SLC25A13: variants seen among roughly 807,000 people sequenced by gnomAD.
The protein encoded by SLC25A13 is electrogenic aspartate/glutamate antiporter SLC25A13, mitochondrial.
Under a neutral mutation model 85.5 loss-of-function variants are expected in SLC25A13, and 70 were observed. That is an observed-to-expected ratio of 0.82 (90% CI 0.68 to 1.00). The LOEUF (loss-of-function observed/expected upper bound fraction) is 1.00. Ranked by LOEUF, SLC25A13 falls within the 50% of genes least tolerant of loss-of-function variation. SLC25A13 has a pLI of 0.00. For missense variants in SLC25A13, 765 were observed against 819.8 expected, an observed-to-expected ratio of 0.93 and a Z score of 0.82; for synonymous variants, 259 against 288.7, an observed-to-expected ratio of 0.90 and a Z score of 1.04.
chr7:96,171,515 G>A lies in SLC25A13; in HGVS notation c.1187C>T (p.Pro396Leu). The A allele has an allele frequency of 6.2e-7, 1 of 1,612,620 alleles. No homozygotes were observed. Among genetic ancestry groups the A allele is most frequent in the Non-Finnish European group, 8.5e-7 (1 of 1,178,922 alleles). ...GFFGLYRGLL[P>L]QLLGVAPEKA... ...CTCTGGGGCAACTCCCAATAACTGTGGCAACAGACCTAAAAATCAACAAAA... is the reference window on the plus strand; with the variant it reads ...CTCTGGGGCAACTCCCAATAACTGTAGCAACAGACCTAAAAATCAACAAAA... The change falls in exon 12 of 18, where the codon CCA becomes CTA. Residue 396 changes from proline to leucine, a missense_variant. Coordinates refer to ENST00000265631, the MANE Select transcript of SLC25A13 (RefSeq NM_014251.3).
chr7:96,226,939 T>C (rs979972523), intron 4 of SLC25A13, among the ~76,000 whole-genome samples: 3 of 152,278 alleles, frequency 2.0e-5, no homozygotes, highest in South Asian at 2.1e-4. Flanking sequence ...CCATCCACTA[T>C]GGTAACCAAA....
chr7:96,130,653 T>C (rs1160979081), intron 15 of SLC25A13, among the ~76,000 whole-genome samples: 1 of 152,206 alleles, frequency 6.6e-6, no homozygotes, highest in Non-Finnish European at 1.5e-5. Context: ...AAATTACATA[T>C]AGGCCACCAT....
intron 3 of SLC25A13, among the ~76,000 whole-genome samples, chr7:96,245,287 A>G (rs1050067590): frequency 5.9e-5 from 9 of 152,114 alleles, no homozygotes; most frequent in Admixed American, 2.6e-4. Flanking sequence ...CCTCCCTGTA[A>G]AATAACCATT....
rs1054827882 is a variant in SLC25A13 at position 96,209,117 on chromosome 7, G to A, written c.329-140C>T. 23 of 843,938 alleles carry A rather than the reference G, an allele frequency of 2.7e-5. No homozygotes were observed. The Admixed American group carries it at 5.1e-4, about 19-fold the overall frequency. 52.3% of individuals were successfully genotyped at this position (843,938 alleles called of 1,614,324 possible). A position where few individuals can be genotyped will look rare whatever the true frequency, so the allele number is the denominator to read the frequency against. On this transcript the variant is annotated intron_variant, in intron 4 of 17. Transcript: ENST00000265631. ...ATAGACATACAGATTACAAACTATG[G>A]CAGAAATAAAAGAACCCTCAAGGAA...
chr7:96,169,965 A>AG (rs1201098408), intron 13 of SLC25A13, 80 bp downstream of exon 13: 47 of 1,379,104 alleles, frequency 3.4e-5, no homozygotes, highest in Non-Finnish European at 1.0e-6. Context: ...CAGAAGCCTT[A>AG]GTCCACACCT....
intron 13 of SLC25A13, among the ~76,000 whole-genome samples, chr7:96,167,591 T>C (rs1793806556): frequency 6.6e-6 from 1 of 152,164 alleles, no homozygotes; most frequent in Non-Finnish European, 1.5e-5. Context: ...TGAAGCAAGG[T>C]GAGCTCCCCA....
At chr7:96,306,771 C>T (rs1799759894) in intron 1 of SLC25A13, 6 of 1,210,710 alleles carry the variant, frequency 5.0e-6, no homozygotes, top group Non-Finnish European at 7.3e-6. Context: ...TCTTTTTGCC[C>T]TCTGATACCT....
intron 9 of SLC25A13, 27 bp from the exon 10 acceptor site, chr7:96,185,038 A>G: frequency 3.1e-6 from 5 of 1,589,178 alleles, no homozygotes; most frequent in South Asian, 2.3e-5. Context: ...GGAATCAGAG[A>G]GCAGGAAAAC....
intron 3 of SLC25A13, among the ~76,000 whole-genome samples, chr7:96,275,751 G>T (rs1185376351): frequency 6.6e-6 from 1 of 152,208 alleles, no homozygotes; most frequent in South Asian, 2.1e-4. Flanking sequence ...TCGGGGGAGT[G>T]GGGAGGGATA....
intron 13 of SLC25A13, among the ~76,000 whole-genome samples, chr7:96,160,525 G>A (rs1793466019): frequency 6.6e-6 from 1 of 152,216 alleles, no homozygotes; most frequent in Non-Finnish European, 1.5e-5. Context: ...AATCTGGTGA[G>A]CACTGCTTCC....
At chr7:96,205,128 T>C (rs776166841) in intron 5 of SLC25A13, among the ~76,000 whole-genome samples, 2 of 152,150 alleles carry the variant, frequency 1.3e-5, no homozygotes, top group African/African-American at 2.4e-5. Flanking sequence ...CAGGATGGTC[T>C]CGAACTCCTG....
rs574429032 is a variant in SLC25A13 at position 96,303,542 on chromosome 7, T to C, written c.16-6591A>G. Among the ~76,000 whole-genome samples, 18 of 152,310 alleles carry C rather than the reference T, an allele frequency of 1.2e-4. No homozygotes were observed. In the East Asian group the frequency reaches 3.5e-3, roughly 29 times the overall value. On this transcript the variant is annotated intron_variant, in intron 1 of 17. Coordinates refer to ENST00000265631, the MANE Select transcript of SLC25A13 (RefSeq NM_014251.3). The stretch of plus-strand genomic sequence containing the variant: ...GGCCCACCCTCCTTCTTTATCTTCC[T>C]ATACTAAAGACACTAGAAGGCTGAA...
At chr7:96,316,492 G>A (rs1464298741) in intron 1 of SLC25A13, among the ~76,000 whole-genome samples, 2 of 152,072 alleles carry the variant, frequency 1.3e-5, no homozygotes, top group East Asian at 1.9e-4. Context: ...ATACACCTTC[G>A]CAAATGGAAC....
chr7:96,273,174 T>C (rs1267632395), intron 3 of SLC25A13, among the ~76,000 whole-genome samples: 3 of 152,134 alleles, frequency 2.0e-5, no homozygotes, highest in Admixed American at 2.0e-4. Context: ...GAGGAAACAA[T>C]CAGACAAGTC....
At chr7:96,244,071 C>G (rs1457146537) in intron 3 of SLC25A13, among the ~76,000 whole-genome samples, 1 of 152,140 alleles carries the variant, frequency 6.6e-6, no homozygotes, top group African/African-American at 2.4e-5. Flanking sequence ...AGCAAGAGAA[C>G]CAAGGAGCAG....
intron 2 of SLC25A13, chr7:96,283,595 A>T: frequency 3.1e-6 from 1 of 321,954 alleles, no homozygotes; most frequent in Non-Finnish European, 6.1e-6. Context: ...ACAACAAGTT[A>T]AGGGCAAGAC....
intron 17 of SLC25A13, 21 bp from the exon 18 acceptor site, chr7:96,121,398 G>GT (rs1478401278): frequency 1.9e-6 from 3 of 1,612,610 alleles, no homozygotes; most frequent in Admixed American, 1.7e-5. Flanking sequence ...AGAAAACAGA[G>GT]TAAGAAGCTG....
intron 13 of SLC25A13, among the ~76,000 whole-genome samples, chr7:96,150,864 C>T (rs1011395850): frequency 2.6e-5 from 4 of 151,898 alleles, no homozygotes; most frequent in African/African-American, 9.7e-5. Context: ...AATATAGCAA[C>T]GTACCCAGGG....
chr7:96,257,335 A>C (rs1268198439), intron 3 of SLC25A13, among the ~76,000 whole-genome samples: 3 of 152,192 alleles, frequency 2.0e-5, no homozygotes, highest in Admixed American at 2.0e-4. Context: ...AATAAAGAAG[A>C]AAAGAGAGAA....
Sources: allele counts gnomAD v4.1 joint callset (sites outside exome capture counted in the v4.1 genomes callset), GRCh38; gene constraint gnomAD v4.1.1; transcripts MANE v1.5; gene names NCBI Gene and HGNC (gene_info 2026-07-23, HGNC 2026-07-21).